LAMA1: variants seen among roughly 807,000 people sequenced by gnomAD.
LAMA1 encodes laminin subunit alpha-1.
A neutral mutation model predicts 348.7 loss-of-function variants in LAMA1; 219 were observed. That is an observed-to-expected ratio of 0.63 (90% CI 0.56 to 0.70). LAMA1 has a LOEUF of 0.70. Among genes scored for constraint, LAMA1 ranks in the 30% least tolerant of loss-of-function variants. The pLI, the probability that LAMA1 is intolerant of heterozygous loss-of-function variation, is 0.00. For missense variants in LAMA1, 3,744 were observed against 3,888.0 expected, an observed-to-expected ratio of 0.96 and a Z score of 0.99; for synonymous variants, 1,487 against 1,491.0, an observed-to-expected ratio of 1.00 and a Z score of 0.06.
intron 36 of LAMA1, among the ~76,000 whole-genome samples, chr18:6,988,746 G>A (rs183694505): frequency 3.5e-4 from 51 of 145,574 alleles, no homozygotes; most frequent in Middle Eastern, 7.6e-3. Flanking sequence ...GGCGGAAGCT[G>A]CAGTGAGCTA....
At chr18:7,027,199 A>G (rs1306999692) in intron 16 of LAMA1, among the ~76,000 whole-genome samples, 2 of 152,152 alleles carry the variant, frequency 1.3e-5, no homozygotes, top group Non-Finnish European at 2.9e-5. Flanking sequence ...GGTTAGAAAA[A>G]GTAGAGTACC....
rs1167016447 is a variant in LAMA1 at position 6,950,699 on chromosome 18, G to A, written c.8397+83C>T. ...CGAGATAGAGATTAATGGGGATAATGTGCCTTTGAGAAATGGAGTGAACCC... is the reference window on the plus strand; with the variant it reads ...CGAGATAGAGATTAATGGGGATAATATGCCTTTGAGAAATGGAGTGAACCC... On this transcript the variant is annotated intron_variant, in intron 58 of 62. Coordinates refer to ENST00000389658, the MANE Select transcript of LAMA1 (RefSeq NM_005559.4). 1.2e-5 allele frequency: 17 copies of A among 1,450,248 alleles called. No individual in the cohort carries two copies. In the Admixed American group the frequency reaches 2.7e-4, roughly 23 times the overall value. The allele number at this position is 1,450,248 out of a possible 1,614,324, so 89.8% of individuals were successfully genotyped here.
chr18:7,095,839 C>G (rs146193707), intron 1 of LAMA1, among the ~76,000 whole-genome samples: 1 of 152,158 alleles, frequency 6.6e-6, no homozygotes, highest in South Asian at 2.1e-4. Flanking sequence ...GAGGCCCAGG[C>G]GGGCAGATCA....
At chr18:7,040,305 G>A in intron 9 of LAMA1, 69 bp from the exon 10 acceptor site, 1 of 1,536,686 alleles carries the variant, frequency 6.5e-7, no homozygotes, top group Admixed American at 1.7e-5. Flanking sequence ...GTTGGCAAAT[G>A]TTTTCTGTAA....
intron 57 of LAMA1, 77 bp from the exon 58 acceptor site, chr18:6,951,048 C>A (rs2057544584): frequency 7.6e-7 from 1 of 1,319,382 alleles, no homozygotes; most frequent in South Asian, 1.3e-5. Context: ...GAGGACCCAA[C>A]AATTGTTTCA....
intron 41 of LAMA1, among the ~76,000 whole-genome samples, chr18:6,980,908 C>T (rs916047521): frequency 6.6e-6 from 1 of 152,018 alleles, no homozygotes; most frequent in Non-Finnish European, 1.5e-5. Context: ...GCCTGGCTAA[C>T]ACAGTGAAAC....
intron 48 of LAMA1, among the ~76,000 whole-genome samples, chr18:6,967,344 G>C (rs1247067109): frequency 2.0e-5 from 3 of 152,162 alleles, no homozygotes; most frequent in African/African-American, 7.2e-5. Context: ...TCTTAAGCCT[G>C]TGGCTTCCTA....
At chr18:7,086,448 G>T (rs139129554) in intron 1 of LAMA1, among the ~76,000 whole-genome samples, 2 of 151,950 alleles carry the variant, frequency 1.3e-5, no homozygotes, top group Middle Eastern at 6.8e-3. Context: ...ATCCATTCAC[G>T]CCCTATTCAT....
intron 35 of LAMA1, 110 bp downstream of exon 35, chr18:6,993,531 T>G: frequency 1.2e-6 from 1 of 855,700 alleles, no homozygotes; most frequent in Non-Finnish European, 2.0e-6. Flanking sequence ...CCCCTCTGGT[T>G]CCGGAAACCC....
rs763998987 is a variant in LAMA1, at chr18:6,978,391, T to C, written c.6008-13A>G. 8 of 1,612,036 alleles carry C rather than the reference T, an allele frequency of 5.0e-6. No individual in the cohort carries two copies. The highest frequency in any genetic ancestry group is 3.3e-4 in the Middle Eastern group (2 of 6,076). On this transcript the variant is annotated splice_polypyrimidine_tract_variant and intron_variant, in intron 42 of 62. Transcript: ENST00000389658. The stretch of plus-strand genomic sequence containing the variant: ...TTGTCTCTTATACCTAAAATAAATG[T>C]ATATAAAAGCATGCACTTCTGGTGC...
At chr18:6,974,309 A>C (rs1004816028) in intron 46 of LAMA1, among the ~76,000 whole-genome samples, 1 of 152,090 alleles carries the variant, frequency 6.6e-6, no homozygotes, top group Non-Finnish European at 1.5e-5. Context: ...TGTTGTTATG[A>C]TTTTTGGATA....
intron 3 of LAMA1, among the ~76,000 whole-genome samples, chr18:7,069,778 C>T (rs1217256494): frequency 1.3e-5 from 2 of 151,826 alleles, no homozygotes; most frequent in African/African-American, 4.8e-5. Context: ...GGTCTGGCAC[C>T]CTCTTCCCCA....
chr18:7,040,386 TA>T (rs2058015305), intron 9 of LAMA1, 150 bp from the exon 10 acceptor site: 15 of 768,378 alleles, frequency 2.0e-5, no homozygotes, highest in Non-Finnish European at 3.2e-5. Context: ...GCTCAGCCAT[TA>T]TTGTTCGAAC....
chr18:7,026,526 G>C (rs1327778811), intron 16 of LAMA1, among the ~76,000 whole-genome samples: 1 of 152,146 alleles, frequency 6.6e-6, no homozygotes, highest in African/African-American at 2.4e-5. Flanking sequence ...TGGAAAAATT[G>C]ACCAACACCT....
In LAMA1 at chr18:6,986,037, C is replaced by G. The variant is rs762453807; in HGVS notation, c.5379+100G>C. The G allele has an allele frequency of 3.0e-6, 4 of 1,332,030 alleles. No individual in the cohort carries two copies. The Admixed American group carries it at 5.1e-5, about 17-fold the overall frequency. 82.5% of individuals were successfully genotyped at this position (1,332,030 alleles called of 1,614,324 possible). On this transcript the variant is annotated intron_variant, in intron 37 of 62. Transcript: ENST00000389658. ...CCTCCCAAAGTGCTGGGATTACAAG[C>G]GTGAGCCACCCAGCCAGGCCAGGGC...
intron 1 of LAMA1, among the ~76,000 whole-genome samples, chr18:7,097,499 C>CTTT (rs10566387): frequency 1.8e-4 from 20 of 109,868 alleles, no homozygotes; most frequent in African/African-American, 5.4e-4. Flanking sequence ...TCTCAGCTGG[C>CTTT]TTTTTTTTTT....
chr18:7,046,434 C>G, intron 5 of LAMA1, 67 bp from the exon 6 acceptor site: 1 of 898,630 alleles, frequency 1.1e-6, no homozygotes, highest in Non-Finnish European at 1.8e-6. Context: ...AATGTTGGCA[C>G]ACCAACAAAT....
chr18:7,031,171 A>C (rs567543911), intron 16 of LAMA1, among the ~76,000 whole-genome samples: 1 of 152,270 alleles, frequency 6.6e-6, no homozygotes, highest in African/African-American at 2.4e-5. Context: ...GACTCAGTCA[A>C]TCTCTTTTGG....
chr18:7,032,143 T>C lies in LAMA1; in HGVS notation c.2197A>G (p.Ile733Val). 4 of 1,614,146 alleles carry C rather than the reference T, an allele frequency of 2.5e-6. No individual in the cohort carries two copies. The highest frequency in any genetic ancestry group is 8.5e-7 in the Non-Finnish European group (1 of 1,180,014). Residue 733 changes from isoleucine (I) to valine (V), a missense_variant, in exon 16 of 63, where the codon ATA becomes GTA. By Grantham distance (29) the Ile-to-Val change is conservative. Coordinates refer to ENST00000389658, the MANE Select transcript of LAMA1 (RefSeq NM_005559.4). Reference protein sequence around the residue: ...CLSGYYRVDGILFGGICQPCE... With the variant: ...CLSGYYRVDGVLFGGICQPCE... ...GGTTGACAAATTCCTCCAAAGAGTA[T>C]TCCATCCACGCGGTAATAGCCAGAG... is the stretch of plus-strand genomic sequence containing the variant.
Sources: gnomAD v4.1 joint callset for allele counts (sites outside exome capture counted in the v4.1 genomes callset) on GRCh38, gnomAD v4.1.1 for gene constraint, MANE v1.5 for transcripts, NCBI Gene and HGNC (gene_info 2026-07-23, HGNC 2026-07-21) for gene names.